The following HTR7 variants were observed in gnomAD, a reference collection of about 807,000 sequenced individuals.
The protein encoded by HTR7 is 5-hydroxytryptamine receptor 7.
A neutral mutation model predicts 34.0 loss-of-function variants in HTR7; 16 were observed. The observed-to-expected ratio is 0.47, with a 90% CI of 0.32 to 0.71. The LOEUF (loss-of-function observed/expected upper bound fraction) is 0.71, where lower values mean the gene tolerates loss of function less well. Ranked by LOEUF, HTR7 falls within the 30% of genes least tolerant of loss-of-function variation. The pLI, the probability that HTR7 is intolerant of heterozygous loss-of-function variation, is 0.04. For synonymous variants in HTR7, 265 were observed against 260.2 expected (o/e 1.02, Z -0.18); for missense variants, 504 against 625.5 (o/e 0.81, Z 2.07).
intron 1 of HTR7, among the ~76,000 whole-genome samples, chr10:90,822,981 G>T (rs1047216834): frequency 2.0e-5 from 3 of 152,254 alleles, no homozygotes; most frequent in African/African-American, 7.2e-5. Flanking sequence ...CCTCCACCTA[G>T]ATCTCAGATG....
chr10:90,794,256 C>T (rs556103409), intron 1 of HTR7, among the ~76,000 whole-genome samples: 3 of 152,238 alleles, frequency 2.0e-5, no homozygotes, highest in East Asian at 1.9e-4. Flanking sequence ...GGTAGGTGTT[C>T]GGGGCACCAA....
intron 1 of HTR7, among the ~76,000 whole-genome samples, chr10:90,788,628 GTA>G (rs1845417441): frequency 6.6e-6 from 1 of 152,128 alleles, no homozygotes; most frequent in African/African-American, 2.4e-5. Flanking sequence ...CAATGTATCA[GTA>G]TGACATAAGA....
At chr10:90,797,161 A>G (rs1845553210) in intron 1 of HTR7, among the ~76,000 whole-genome samples, 1 of 152,078 alleles carries the variant, frequency 6.6e-6, no homozygotes, top group South Asian at 2.1e-4. Context: ...CTGGGTCCAA[A>G]TTTCTAGGTT....
In HTR7 at chr10:90,857,676, C is replaced by T. The variant is rs1331394404; in HGVS notation, c.-5G>A. 3 of 1,533,878 alleles carry T rather than the reference C, an allele frequency of 2.0e-6. No individual in the cohort carries two copies. The African/African-American group carries it at 4.3e-5, about 22-fold the overall frequency. Reference sequence around the variant, plus strand: ...GCTGCTGTTAACGTCCATCATCGCGCCGCCGTGTGCCGCTGCCCATGGAGC... The same window carrying T: ...GCTGCTGTTAACGTCCATCATCGCGTCGCCGTGTGCCGCTGCCCATGGAGC... On this transcript the variant is annotated 5_prime_UTR_variant, in exon 1 of 4. Coordinates refer to ENST00000336152, the MANE Select transcript of HTR7 (RefSeq NM_019859.4). The surrounding 1 kb of genome is among the most constrained non-coding windows in gnomAD (Gnocchi z 6.5).
Position 90,749,217 on chromosome 10 carries a change from G to C in HTR7, c.917C>G (p.Ser306Trp). The C allele has an allele frequency of 6.2e-7, 1 of 1,613,954 alleles. No individual in the cohort carries two copies. Among genetic ancestry groups the C allele is most frequent in the Non-Finnish European group, 8.5e-7 (1 of 1,179,974 alleles). The change falls in exon 2 of 4, where the codon TCG (serine) becomes TGG (tryptophan). Residue 306 changes from serine to tryptophan, a missense_variant. This residue lies in a region of HTR7 where 57 missense variants were observed against 47.5 expected (regional missense o/e 1.20). Coordinates refer to ENST00000336152, the MANE Select transcript of HTR7 (RefSeq NM_019859.4). This position sits in a 1 kb window ranked among gnomAD's most constrained non-coding sequence, Gnocchi z 4.2. ...QKEVEECANL[S>W]RLLKHERKNI... ...TTTCCTTTCATGCTTGAGGAGTCTC[G>C]AAAGGTTTGCACACTCTTCCACCTC...
chr10:90,759,641 G>A (rs1433277407), intron 1 of HTR7, among the ~76,000 whole-genome samples: 47 of 117,530 alleles, frequency 4.0e-4, no homozygotes, highest in African/African-American at 1.3e-3. Flanking sequence ...CGGCCTGGGC[G>A]ACAGAGCGAG....
At position 90,857,243 on chromosome 10, in the gene HTR7, G is replaced by T; in HGVS notation, c.429C>A (p.Leu143=). The change falls in exon 1 of 4, where the codon CTC becomes CTA. Residue 143 remains leucine, a synonymous_variant. Coordinates refer to ENST00000336152, the MANE Select transcript of HTR7 (RefSeq NM_019859.4). This position sits in a 1 kb window ranked among gnomAD's most constrained non-coding sequence, Gnocchi z 6.5. The stretch of plus-strand genomic sequence containing the variant: ...GTCCAAAGATCCACTTGCCCCCGAT[G>T]AGGTCGGTGACGCTGACGAAGGGCA... ...AVMPFVSVTD[L]IGGKWIFGHF... 2 of 1,614,168 alleles carry T rather than the reference G, an allele frequency of 1.2e-6. No individual in the cohort carries two copies. The highest frequency in any genetic ancestry group is 1.7e-6 in the Non-Finnish European group (2 of 1,180,038).
intron 1 of HTR7, among the ~76,000 whole-genome samples, chr10:90,771,497 C>T (rs1043434495): frequency 6.6e-6 from 1 of 152,236 alleles, no homozygotes; most frequent in African/African-American, 2.4e-5. Context: ...CTGTGACTCC[C>T]TCTTTGAGAC....
Position 90,795,813 on chromosome 10 carries a change from G to A in HTR7, c.540-46219C>T, listed in dbSNP as rs75346593. Among the ~76,000 whole-genome samples, 225 of 152,258 alleles carry A rather than the reference G, an allele frequency of 1.5e-3. 4 individuals are homozygous for A. The East Asian group carries it at 0.041, about 28-fold the overall frequency. The stretch of plus-strand genomic sequence containing the variant: ...ATTTACATTGGTACATTGGAAGGGC[G>A]GGACAACTTGAAGCTTGCAGGGATC... On this transcript the variant is annotated intron_variant, in intron 1 of 3. Coordinates refer to ENST00000336152, the MANE Select transcript of HTR7 (RefSeq NM_019859.4).
At chr10:90,768,782 C>A (rs1845062288) in intron 1 of HTR7, among the ~76,000 whole-genome samples, 2 of 152,156 alleles carry the variant, frequency 1.3e-5, no homozygotes, top group Admixed American at 6.5e-5. Flanking sequence ...GTCCACCAAT[C>A]AAGGACAAAA....
intron 1 of HTR7, among the ~76,000 whole-genome samples, chr10:90,797,977 A>T (rs549651993): frequency 6.6e-6 from 1 of 152,234 alleles, no homozygotes; most frequent in East Asian, 1.9e-4. Flanking sequence ...ACAGGGTGGA[A>T]CTCACTTTTA....
chr10:90,838,173 T>C (rs1176770067), intron 1 of HTR7, among the ~76,000 whole-genome samples: 1 of 152,238 alleles, frequency 6.6e-6, no homozygotes, highest in Non-Finnish European at 1.5e-5. Flanking sequence ...TTCAAATGTC[T>C]ATTGATATAA....
chr10:90,753,829 T>G (rs1379606926), intron 1 of HTR7, among the ~76,000 whole-genome samples: 1 of 151,992 alleles, frequency 6.6e-6, no homozygotes, highest in African/African-American at 2.4e-5. Context: ...GAAGAGTGGA[T>G]TAAAAACACA....
At chr10:90,808,368 C>T (rs111286531) in intron 1 of HTR7, among the ~76,000 whole-genome samples, 2,212 of 152,114 alleles carry the variant, frequency 0.015, 53 homozygotes, top group African/African-American at 0.05. Flanking sequence ...ACCTCTTCTC[C>T]GCCTTTCTGG....
intron 1 of HTR7, among the ~76,000 whole-genome samples, chr10:90,764,974 T>C (rs1391182012): frequency 1.3e-5 from 2 of 152,220 alleles, no homozygotes; most frequent in Non-Finnish European, 2.9e-5. Context: ...TCATCAGAGA[T>C]ATTGGCCTAT....
At chr10:90,750,482 T>C (rs553645521) in intron 1 of HTR7, among the ~76,000 whole-genome samples, 1 of 152,322 alleles carries the variant, frequency 6.6e-6, no homozygotes, top group East Asian at 1.9e-4. Flanking sequence ...TTTCAGCTTT[T>C]CAAACCTGTG....
intron 1 of HTR7, among the ~76,000 whole-genome samples, chr10:90,841,400 GA>G (rs1399538949): frequency 2.0e-5 from 3 of 152,178 alleles, no homozygotes; most frequent in Non-Finnish European, 2.9e-5. Flanking sequence ...CTGTAGGTCA[GA>G]AGTCAAATGT....
chr10:90,804,804 TTTTA>T (rs1198854551), intron 1 of HTR7, among the ~76,000 whole-genome samples: 3 of 152,188 alleles, frequency 2.0e-5, no homozygotes, highest in Non-Finnish European at 4.4e-5. Context: ...TCTTGGGGAT[TTTTA>T]TTTATTTATT....
At chr10:90,742,768 C>T (rs1844573581) in intron 3 of HTR7, among the ~76,000 whole-genome samples, 1 of 152,124 alleles carries the variant, frequency 6.6e-6, no homozygotes, top group East Asian at 1.9e-4. Flanking sequence ...CCCAAATAAC[C>T]CATTTAGAAA....
Sources: allele counts gnomAD v4.1 joint callset (sites outside exome capture counted in the v4.1 genomes callset), GRCh38; gene constraint gnomAD v4.1.1; regional missense constraint gnomAD v4.1.1; non-coding constraint Gnocchi (gnomAD v3.1); transcripts MANE v1.5; gene names NCBI Gene and HGNC (gene_info 2026-07-23, HGNC 2026-07-21).